Variants in DLGAP2 observed in about 807,000 individuals in gnomAD.
DLGAP2 encodes DLG associated protein 2.
In DLGAP2, 26 loss-of-function variants were observed where a neutral mutation model predicts 100.3. The ratio of observed to expected loss-of-function variants is 0.26; its 90% CI spans 0.19 to 0.36. The LOEUF (loss-of-function observed/expected upper bound fraction) is 0.36, where lower values mean the gene tolerates loss of function less well. Ranked by LOEUF, DLGAP2 falls within the 10% of genes least tolerant of loss-of-function variation. DLGAP2 has a pLI of 1.00. For synonymous variants in DLGAP2, 886 were observed against 630.1 expected (o/e 1.41, Z -6.08); for missense variants, 1,858 against 1,453.2 (o/e 1.28, Z -4.53).
At chr8:803,787 T>TA (rs1330859707) in intron 1 of DLGAP2, among the ~76,000 whole-genome samples, 1 of 152,234 alleles carries the variant, frequency 6.6e-6, no homozygotes, top group African/African-American at 2.4e-5. Context: ...TTGTGATACT[T>TA]ATGCTAAAAT....
chr8:1,116,912 C>G (rs991294262), intron 2 of DLGAP2, among the ~76,000 whole-genome samples: 28 of 152,258 alleles, frequency 1.8e-4, no homozygotes, highest in African/African-American at 6.5e-4. Flanking sequence ...AGACAGAAAC[C>G]AAAGCAAAAC....
intron 1 of DLGAP2, among the ~76,000 whole-genome samples, chr8:806,367 C>T (rs940836480): frequency 2.0e-5 from 3 of 152,192 alleles, no homozygotes; most frequent in Non-Finnish European, 2.9e-5. Context: ...CTGCAGCAGC[C>T]GTGCCGCCAG....
chr8:969,137 C>T (rs1204874540), intron 2 of DLGAP2, among the ~76,000 whole-genome samples: 1 of 152,152 alleles, frequency 6.6e-6, no homozygotes, highest in Non-Finnish European at 1.5e-5. Flanking sequence ...GACCTCTCCC[C>T]AGGGGGGATG....
At chr8:1,601,098 G>A (rs532407174) in intron 6 of DLGAP2, among the ~76,000 whole-genome samples, 1 of 152,168 alleles carries the variant, frequency 6.6e-6, no homozygotes, top group Non-Finnish European at 1.5e-5. Flanking sequence ...ATTACTTTCT[G>A]TTTGATAGTT....
chr8:1,037,157 C>G lies in DLGAP2; in HGVS notation c.73+129191C>G, dbSNP rs191712539. ...GGAATCCGAGGTGGATTCAGTCCTT[C>G]CTGCCGCCTGCACCCAGGGAGCTCA... is the stretch of plus-strand genomic sequence containing the variant. On this transcript the variant is annotated intron_variant, in intron 2 of 14. Coordinates refer to ENST00000637795, the MANE Select transcript of DLGAP2 (RefSeq NM_001346810.2). Among the ~76,000 whole-genome samples, 127 of 152,258 alleles carry G rather than the reference C, an allele frequency of 8.3e-4. 1 individual carries two copies. Among genetic ancestry groups the G allele is most frequent in the African/African-American group, 2.9e-3 (120 of 41,532 alleles).
chr8:761,955 C>T (rs568298492), intron 1 of DLGAP2, among the ~76,000 whole-genome samples: 3 of 152,302 alleles, frequency 2.0e-5, no homozygotes, highest in South Asian at 2.1e-4. Context: ...AGGAGATTTT[C>T]GCTTGTTTTT....
chr8:760,774 T>C (rs1821059820), intron 1 of DLGAP2, among the ~76,000 whole-genome samples: 1 of 152,188 alleles, frequency 6.6e-6, no homozygotes, highest in African/African-American at 2.4e-5. Context: ...GTTGCACGCA[T>C]GCACCTGCTG....
chr8:848,837 T>G (rs1029878484), intron 1 of DLGAP2, among the ~76,000 whole-genome samples: 1 of 150,946 alleles, frequency 6.6e-6, no homozygotes, highest in Admixed American at 6.6e-5. Flanking sequence ...CAGTCTAGGA[T>G]CTTGTGATGT....
rs146069465 is a variant in DLGAP2, at chr8:1,005,585, T to G, written c.73+97619T>G. Among the ~76,000 whole-genome samples the G allele has an allele frequency of 3.3e-4, 5 of 15,064 alleles. No individual in the cohort carries two copies. In the Admixed American group the frequency reaches 5.1e-3, roughly 15 times the overall value. 9.9% of individuals were successfully genotyped at this position (15,064 alleles called of 152,430 possible). On this transcript the variant is annotated intron_variant, in intron 2 of 14. Coordinates refer to ENST00000637795, the MANE Select transcript of DLGAP2 (RefSeq NM_001346810.2). ...CACCATGCCCAGCTTGCCCAGCTAATTTTTTTTTTTTTTTGGTAGAGATGA... is the reference window on the plus strand; with the variant it reads ...CACCATGCCCAGCTTGCCCAGCTAAGTTTTTTTTTTTTTTGGTAGAGATGA...
At chr8:738,205 C>G (rs1820371959) in intron 1 of DLGAP2, 2 of 161,870 alleles carry the variant, frequency 1.2e-5, no homozygotes, top group Non-Finnish European at 2.7e-5. Context: ...CGCCTAGCTC[C>G]GGTGGGGCAG....
intron 1 of DLGAP2, among the ~76,000 whole-genome samples, chr8:785,407 C>T (rs978064619): frequency 6.7e-6 from 1 of 149,658 alleles, no homozygotes; most frequent in Non-Finnish European, 1.5e-5. Flanking sequence ...CTCTCCTCCC[C>T]TCAGGTCTCT....
intron 1 of DLGAP2, among the ~76,000 whole-genome samples, chr8:793,577 C>G (rs990520081): frequency 1.3e-5 from 2 of 152,116 alleles, no homozygotes; most frequent in East Asian, 3.8e-4. Flanking sequence ...TTATTTCTTT[C>G]TTTTACTCCT....
intron 1 of DLGAP2, among the ~76,000 whole-genome samples, chr8:899,838 A>T (rs1798214934): frequency 6.6e-6 from 1 of 152,182 alleles, no homozygotes; most frequent in African/African-American, 2.4e-5. Flanking sequence ...GGCGTGGTGT[A>T]ACTGCACGTA....
At chr8:1,316,252 GC>G (rs1220299056) in intron 3 of DLGAP2, among the ~76,000 whole-genome samples, 9 of 132,428 alleles carry the variant, frequency 6.8e-5, no homozygotes, top group Non-Finnish European at 1.5e-4. Flanking sequence ...AAACTCGGCA[GC>G]TTTTAAAAAT....
intron 2 of DLGAP2, among the ~76,000 whole-genome samples, chr8:1,086,348 G>A (rs1005211613): frequency 6.6e-6 from 1 of 152,176 alleles, no homozygotes; most frequent in Non-Finnish European, 1.5e-5. Flanking sequence ...GGGTGTCAGA[G>A]AAAAAGCTTT....
At chr8:1,028,281 T>C (rs1252943228) in intron 2 of DLGAP2, among the ~76,000 whole-genome samples, 50 of 99,866 alleles carry the variant, frequency 5.0e-4, no homozygotes, top group African/African-American at 5.7e-4. Context: ...AGGTGGGGTG[T>C]CAGGCGCCCG....
At chr8:1,011,160 G>C (rs1228449870) in intron 2 of DLGAP2, among the ~76,000 whole-genome samples, 3 of 150,756 alleles carry the variant, frequency 2.0e-5, no homozygotes, top group Admixed American at 6.6e-5. Context: ...TCTGGAATGA[G>C]GGGTCTTAGT....
chr8:1,263,766 T>C (rs1016597458), intron 3 of DLGAP2, among the ~76,000 whole-genome samples: 1 of 152,170 alleles, frequency 6.6e-6, no homozygotes, highest in Non-Finnish European at 1.5e-5. Flanking sequence ...TGTTCTCTGC[T>C]CTCTGTGGAG....
chr8:1,302,747 G>C (rs1225145951), intron 3 of DLGAP2: 3 of 152,282 alleles, frequency 2.0e-5, no homozygotes, highest in Non-Finnish European at 4.4e-5. Context: ...TCGAAGGGAA[G>C]GGCTCTTGCC....
Sources: gnomAD v4.1 joint callset for allele counts (sites outside exome capture counted in the v4.1 genomes callset) on GRCh38, gnomAD v4.1.1 for gene constraint, MANE v1.5 for transcripts, NCBI Gene and HGNC (gene_info 2026-07-23, HGNC 2026-07-21) for gene names.